Variants in SIL1 observed in about 807,000 individuals in gnomAD.
The protein encoded by SIL1 is SIL1 nucleotide exchange factor, also known as nucleotide exchange factor SIL1.
A neutral mutation model predicts 49.1 loss-of-function variants in SIL1; 40 were observed. The observed-to-expected ratio is 0.81, with a 90% confidence interval of 0.63 to 1.06. The LOEUF is 1.06. Among genes scored for constraint, SIL1 ranks in the 50% least tolerant of loss-of-function variants. SIL1 has a pLI of 0.00. For missense variants in SIL1, 500 were observed against 572.6 expected (o/e 0.87, Z 1.29); for synonymous variants, 253 against 250.8 (o/e 1.01, Z -0.08).
At chr5:139,170,136 T>C (rs1010670437) in intron 1 of SIL1, among the ~76,000 whole-genome samples, 9 of 152,346 alleles carry the variant, frequency 5.9e-5, no homozygotes, top group South Asian at 2.1e-4. Context: ...CCCGAGGTGC[T>C]GGGATTGCAG....
intron 9 of SIL1, among the ~76,000 whole-genome samples, chr5:138,949,763 A>C (rs1262072069): frequency 3.4e-5 from 5 of 147,262 alleles, no homozygotes; most frequent in Non-Finnish European, 4.5e-5. Flanking sequence ...GTGAGCCAAG[A>C]TCGTGCCACT....
At chr5:139,100,390 T>C (rs1770560856) in intron 3 of SIL1, among the ~76,000 whole-genome samples, 1 of 152,048 alleles carries the variant, frequency 6.6e-6, no homozygotes. Context: ...AGAGGAAATA[T>C]AAGGGAGAGT....
intron 7 of SIL1, among the ~76,000 whole-genome samples, chr5:138,995,134 A>G (rs1301792511): frequency 6.6e-6 from 1 of 152,172 alleles, no homozygotes; most frequent in African/African-American, 2.4e-5. Flanking sequence ...TGCTATTGTG[A>G]ATAGTGCTGT....
intron 1 of SIL1, among the ~76,000 whole-genome samples, chr5:139,156,762 A>G (rs1751414464): frequency 6.6e-6 from 1 of 152,240 alleles, no homozygotes. Flanking sequence ...CCTACAAGGT[A>G]TAGAGGGAGC....
chr5:139,173,883 C>A (rs1191715936), intron 1 of SIL1, among the ~76,000 whole-genome samples: 2 of 150,046 alleles, frequency 1.3e-5, no homozygotes, highest in African/African-American at 4.9e-5. Context: ...GACGTGAACC[C>A]AGGAGGCGGA....
intron 3 of SIL1, among the ~76,000 whole-genome samples, chr5:139,107,064 G>A (rs1003745482): frequency 6.6e-5 from 10 of 152,210 alleles, no homozygotes; most frequent in Admixed American, 1.3e-4. Context: ...AATGCCACAT[G>A]AGTGGCCTCC....
At chr5:139,133,229 T>C (rs1376296612) in intron 1 of SIL1, 2 of 152,226 alleles carry the variant, frequency 1.3e-5, no homozygotes, top group Admixed American at 6.5e-5. Context: ...ATCCTTGGGC[T>C]TTGGGACAGA....
At chr5:139,148,857 G>A (rs1253782452) in intron 1 of SIL1, among the ~76,000 whole-genome samples, 1 of 152,124 alleles carries the variant, frequency 6.6e-6, no homozygotes, top group Non-Finnish European at 1.5e-5. Context: ...TAAAGGGCTT[G>A]CCCTCCTGCA....
intron 7 of SIL1, among the ~76,000 whole-genome samples, chr5:139,015,065 C>T (rs1035550074): frequency 1.3e-5 from 2 of 152,196 alleles, no homozygotes; most frequent in South Asian, 2.1e-4. Context: ...AAAAACAGCA[C>T]CGTCCACTCA....
intron 1 of SIL1, among the ~76,000 whole-genome samples, chr5:139,181,912 T>C (rs1751989640): frequency 6.6e-6 from 1 of 152,224 alleles, no homozygotes; most frequent in Admixed American, 6.5e-5. Context: ...AAAAATGATG[T>C]TAAAACAAAC....
At chr5:139,039,001 C>T (rs998380613) in intron 5 of SIL1, among the ~76,000 whole-genome samples, 3 of 152,224 alleles carry the variant, frequency 2.0e-5, no homozygotes, top group Non-Finnish European at 2.9e-5. Flanking sequence ...GCTGACACCA[C>T]TCCAGCAGGA....
intron 7 of SIL1, 143 bp downstream of exon 7, chr5:139,021,028 T>C (rs1195642401): frequency 1.2e-5 from 15 of 1,207,302 alleles, no homozygotes; most frequent in Non-Finnish European, 1.7e-5. Flanking sequence ...CTACTTGGAA[T>C]AAGGGCAGAA....
chr5:139,082,967 C>A (rs1770121199), intron 3 of SIL1, among the ~76,000 whole-genome samples: 1 of 152,202 alleles, frequency 6.6e-6, no homozygotes, highest in Admixed American at 6.5e-5. Context: ...AGAGAGCAGG[C>A]CAACTCAAAA....
chr5:138,974,848 G>A (rs1255052427), intron 7 of SIL1, among the ~76,000 whole-genome samples: 5 of 152,194 alleles, frequency 3.3e-5, no homozygotes, highest in Admixed American at 3.3e-4. Context: ...TGAGCTTCAT[G>A]TGTATCATCC....
At chr5:139,146,745 A>G (rs1751203569) in intron 1 of SIL1, among the ~76,000 whole-genome samples, 1 of 152,166 alleles carries the variant, frequency 6.6e-6, no homozygotes, top group Non-Finnish European at 1.5e-5. Flanking sequence ...CTCTAAGATG[A>G]TCATATAGTT....
chr5:139,042,862 T>C, intron 4 of SIL1, 143 bp from the exon 5 acceptor site: 1 of 740,960 alleles, frequency 1.3e-6, no homozygotes, highest in Non-Finnish European at 2.4e-6. Context: ...TTAGTTAGGA[T>C]GTGATGGTAT....
intron 7 of SIL1, among the ~76,000 whole-genome samples, chr5:138,960,684 G>A (rs979438652): frequency 3.9e-5 from 6 of 152,170 alleles, no homozygotes; most frequent in African/African-American, 1.4e-4. Context: ...TCGAACTCCT[G>A]GCCTCAAGTG....
At position 139,119,488 on chromosome 5, in the gene SIL1, C is replaced by T. The variant is rs530657360; in HGVS notation, c.244+1547G>A. On this transcript the variant is annotated intron_variant, in intron 3 of 9. Coordinates refer to ENST00000394817, the MANE Select transcript of SIL1 (RefSeq NM_022464.5). ...AAAAGTGGTACAAGAAAGCCAGGTG[C>T]GGTGGCTCACGTCTGTAATCCTAGG... Among the ~76,000 whole-genome samples, 6 of 152,304 alleles carry T rather than the reference C, an allele frequency of 3.9e-5. No individual in the cohort carries two copies. The South Asian group carries it at 1.2e-3, about 32-fold the overall frequency.
chr5:139,042,802 C>A, intron 4 of SIL1, 83 bp from the exon 5 acceptor site: 1 of 1,250,978 alleles, frequency 8.0e-7, no homozygotes, highest in Non-Finnish European at 1.2e-6. Flanking sequence ...CTCTGGGTGG[C>A]CAAGATGGAA....
Sources: gnomAD v4.1 joint callset for allele counts (sites outside exome capture counted in the v4.1 genomes callset) on GRCh38, gnomAD v4.1.1 for gene constraint, MANE v1.5 for transcripts, NCBI Gene and HGNC (gene_info 2026-07-23, HGNC 2026-07-21) for gene names.